ROBO1: variants seen among roughly 807,000 people sequenced by gnomAD.
The protein encoded by ROBO1 is roundabout homolog 1.
ROBO1 carries 149 observed loss-of-function variants against 195.9 expected under a neutral mutation model. That is an observed-to-expected ratio of 0.76 (90% CI 0.67 to 0.87). ROBO1 has a LOEUF of 0.87. ROBO1 is among the 40% of genes least tolerant of loss of function. The pLI is 0.00. For synonymous variants in ROBO1, 816 were observed against 733.2 expected (o/e 1.11, Z -1.82); for missense variants, 1,933 against 2,068.3 (o/e 0.93, Z 1.27).
At chr3:79,288,909 A>G (rs1350941617) in intron 2 of ROBO1, among the ~76,000 whole-genome samples, 1 of 152,134 alleles carries the variant, frequency 6.6e-6, no homozygotes, top group African/African-American at 2.4e-5. Context: ...TAAGCCCCCA[A>G]AATAATTTAG....
chr3:78,826,246 A>G (rs539424686), intron 4 of ROBO1, among the ~76,000 whole-genome samples: 1 of 152,336 alleles, frequency 6.6e-6, no homozygotes, highest in South Asian at 2.1e-4. Context: ...TGCAATAAAT[A>G]TAGAACGCAC....
chr3:79,102,904 T>C (rs1281593188), intron 3 of ROBO1, among the ~76,000 whole-genome samples: 1 of 151,800 alleles, frequency 6.6e-6, no homozygotes, highest in South Asian at 2.1e-4. Context: ...GTTAACTAGA[T>C]TATGTATAGA....
At chr3:79,047,234 A>G (rs2078611549) in intron 3 of ROBO1, among the ~76,000 whole-genome samples, 3 of 152,140 alleles carry the variant, frequency 2.0e-5, no homozygotes, top group Admixed American at 2.0e-4. Flanking sequence ...AGTAAGGTGG[A>G]AAGTAGAAAA....
chr3:79,592,904 C>G (rs760024984), intron 1 of ROBO1, among the ~76,000 whole-genome samples: 6 of 152,056 alleles, frequency 3.9e-5, no homozygotes, highest in Non-Finnish European at 8.8e-5. Flanking sequence ...CATCCCTCCC[C>G]CTTCCGAACC....
chr3:78,732,568 A>G (rs561994068), intron 5 of ROBO1, among the ~76,000 whole-genome samples: 201 of 152,292 alleles, frequency 1.3e-3, no homozygotes, highest in African/African-American at 4.7e-3. Context: ...AAGGTTAATC[A>G]GAATATTTAT....
chr3:79,351,977 C>T (rs371287536), intron 2 of ROBO1, among the ~76,000 whole-genome samples: 68 of 152,304 alleles, frequency 4.5e-4, no homozygotes, highest in African/African-American at 1.6e-3. Flanking sequence ...AATAAGCTAA[C>T]TGCCATTCTA....
At chr3:78,696,935 T>A (rs1393522743) in intron 8 of ROBO1, among the ~76,000 whole-genome samples, 3 of 151,916 alleles carry the variant, frequency 2.0e-5, no homozygotes. Flanking sequence ...CCAATTTTAA[T>A]TATTTCATCA....
chr3:79,580,595 G>A (rs11127648), intron 2 of ROBO1, among the ~76,000 whole-genome samples: 55,252 of 151,880 alleles, frequency 0.36, 10,248 homozygotes, highest in East Asian at 0.42. Context: ...ATCAGCTTGT[G>A]TATATTAACT....
Position 78,631,268 on chromosome 3 carries a change from C to T in ROBO1, c.3519G>A (p.Lys1173=), listed in dbSNP as rs1298637593. 4 of 1,613,390 alleles carry T rather than the reference C, an allele frequency of 2.5e-6. No homozygotes were observed. In the South Asian group the frequency reaches 3.3e-5, roughly 13 times the overall value. Residue 1173 remains lysine, a synonymous_variant, in exon 25 of 31, where the codon AAG becomes AAA. Coordinates refer to ENST00000464233, the MANE Select transcript of ROBO1 (RefSeq NM_002941.4). ...AGTTCATGCCACCCTGTTTTGGTAC[C>T]TTGGGTGTTCTTGCCCCTTTCTTGT... ...QGHKKGARTP[K]VPKQGGMNWA...
intron 29 of ROBO1, among the ~76,000 whole-genome samples, chr3:78,606,298 G>A (rs754234718): frequency 6.6e-6 from 1 of 152,106 alleles, no homozygotes; most frequent in Non-Finnish European, 1.5e-5. Context: ...TCAGCCTCCC[G>A]AGTAACTAGG....
intron 3 of ROBO1, among the ~76,000 whole-genome samples, chr3:78,987,515 T>A (rs1030932720): frequency 6.6e-6 from 1 of 152,178 alleles, no homozygotes; most frequent in African/African-American, 2.4e-5. Flanking sequence ...ATATTTATTT[T>A]CTAAGAAGTG....
intron 2 of ROBO1, among the ~76,000 whole-genome samples, chr3:79,136,843 T>TGGGA (rs2080419081): frequency 6.6e-6 from 1 of 151,998 alleles, no homozygotes; most frequent in Non-Finnish European, 1.5e-5. Context: ...GGAAAAAAAA[T>TGGGA]CAGTAGGTGC....
intron 1 of ROBO1, among the ~76,000 whole-genome samples, chr3:79,763,310 T>A (rs1430423410): frequency 6.6e-6 from 1 of 152,154 alleles, no homozygotes; most frequent in Non-Finnish European, 1.5e-5. Context: ...AGTTGATGGA[T>A]AATGTATGTA....
chr3:79,484,132 T>C (rs79529881), intron 2 of ROBO1, among the ~76,000 whole-genome samples: 10,875 of 152,278 alleles, frequency 0.071, 575 homozygotes, highest in East Asian at 0.19. Context: ...GTTTGCTTTG[T>C]CTTAGAGATC....
intron 8 of ROBO1, among the ~76,000 whole-genome samples, chr3:78,694,132 T>A (rs879538600): frequency 6.6e-6 from 1 of 152,184 alleles, no homozygotes. Context: ...CATTTTCTGT[T>A]TTCAATGTTG....
At chr3:79,350,875 A>G (rs2035315036) in intron 2 of ROBO1, among the ~76,000 whole-genome samples, 1 of 151,976 alleles carries the variant, frequency 6.6e-6, no homozygotes, top group East Asian at 1.9e-4. Flanking sequence ...ATTGAGTGCA[A>G]TGGCTATTCA....
chr3:78,867,855 C>A (rs146158470), intron 4 of ROBO1, among the ~76,000 whole-genome samples: 2 of 152,202 alleles, frequency 1.3e-5, no homozygotes, highest in East Asian at 3.9e-4. Context: ...ACTTTTCTGC[C>A]ATCTCCGAAA....
chr3:79,448,339 T>C (rs193215836), intron 2 of ROBO1, among the ~76,000 whole-genome samples: 12 of 152,344 alleles, frequency 7.9e-5, no homozygotes, highest in Admixed American at 7.8e-4. Flanking sequence ...AGAAGTTTTC[T>C]CTAAACATAG....
At chr3:79,026,127 G>A (rs960991116) in intron 3 of ROBO1, among the ~76,000 whole-genome samples, 1 of 151,996 alleles carries the variant, frequency 6.6e-6, no homozygotes, top group Non-Finnish European at 1.5e-5. Flanking sequence ...TGCTGTTTTT[G>A]TTGTAGCTCC....
Sources: gnomAD v4.1 joint callset for allele counts (sites outside exome capture counted in the v4.1 genomes callset) on GRCh38, gnomAD v4.1.1 for gene constraint, MANE v1.5 for transcripts, NCBI Gene and HGNC (gene_info 2026-07-23, HGNC 2026-07-21) for gene names.